CERS5: variants seen among roughly 807,000 people sequenced by gnomAD.
CERS5 encodes LAG1 homolog, ceramide synthase 5.
CERS5 carries 37 observed loss-of-function variants against 58.9 expected under a neutral mutation model. The ratio of observed to expected loss-of-function variants is 0.63; its 90% CI spans 0.48 to 0.83. The LOEUF (loss-of-function observed/expected upper bound fraction) is 0.83, where lower values mean the gene tolerates loss of function less well. CERS5 is among the 40% of genes least tolerant of loss of function. The pLI is 0.00. For missense variants in CERS5, 398 were observed against 489.3 expected (o/e 0.81, Z 1.76); for synonymous variants, 147 against 177.8 (o/e 0.83, Z 1.38).
At position 50,130,574 on chromosome 12, in the gene CERS5, T is replaced by G; in HGVS notation, c.1150A>C (p.Met384Leu). ...SNGANRVNGH[M>L]GGSYWAEE ...TCTTCAGCCCAGTAGCTGCCTCCCA[T>G]GTGACCATTCACCCGATTGGCACCA... Residue 384 changes from methionine to leucine, a missense_variant, in exon 10 of 10, where the codon ATG (methionine) becomes CTG (leucine). This residue lies in a region of CERS5 where 47 missense variants were observed against 50.2 expected (regional missense o/e 0.94). Coordinates refer to ENST00000317551, the MANE Select transcript of CERS5 (RefSeq NM_147190.5). 6.2e-7 allele frequency: 1 copy of G among 1,611,650 alleles called. No individual in the cohort carries two copies. Among genetic ancestry groups the G allele is most frequent in the Non-Finnish European group, 8.5e-7 (1 of 1,177,912 alleles).
chr12:50,148,314 G>C (rs1217457486), intron 1 of CERS5, among the ~76,000 whole-genome samples: 1 of 152,072 alleles, frequency 6.6e-6, no homozygotes, highest in East Asian at 1.9e-4. Flanking sequence ...AAAATAAATA[G>C]GCTGTATGCG....
intron 9 of CERS5, among the ~76,000 whole-genome samples, chr12:50,131,361 C>T (rs1951306693): frequency 6.6e-6 from 1 of 151,904 alleles, no homozygotes; most frequent in Non-Finnish European, 1.5e-5. Context: ...GAGTTTGAGA[C>T]CAGCCTGAGC....
intron 1 of CERS5, chr12:50,144,832 A>G: frequency 6.7e-7 from 1 of 1,503,750 alleles, no homozygotes; most frequent in Non-Finnish European, 8.9e-7. Context: ...CCAAGGATTT[A>G]AATTTTTAAA....
chr12:50,137,765 G>T lies in CERS5; in HGVS notation c.599C>A (p.Ser200Tyr). The T allele has an allele frequency of 6.2e-7, 1 of 1,610,002 alleles. No individual in the cohort carries two copies. The highest frequency in any genetic ancestry group is 8.5e-7 in the Non-Finnish European group (1 of 1,176,862). Residue 200 changes from serine to tyrosine, a missense_variant, in exon 6 of 10, where the codon TCC (serine) becomes TAC (tyrosine). Transcript: ENST00000317551. ...YYIMELAFYW[S>Y]LMFSQFTDIK... is the part of the protein sequence containing the mutation. ...GTCTGTAAACTGAGAAAACATAAGG[G>T]ACCAATAGAAGGCCAATTCCATGAT...
At chr12:50,145,621 AT>A (rs1391014050) in intron 1 of CERS5, among the ~76,000 whole-genome samples, 1 of 152,192 alleles carries the variant, frequency 6.6e-6, no homozygotes, top group Non-Finnish European at 1.5e-5. Flanking sequence ...TATTCAGAGC[AT>A]AAATTTAGCC....
Position 50,130,601 on chromosome 12 carries a change from T to A in CERS5, c.1123A>T (p.Asn375Tyr). ...TGACCATTCACCCGATTGGCACCATTGCTGGAGCTACTGTCACAGGGACTT... is the reference window on the plus strand; with the variant it reads ...TGACCATTCACCCGATTGGCACCATAGCTGGAGCTACTGTCACAGGGACTT... ...TKSPCDSSSS[N>Y]GANRVNGHMG... Residue 375 changes from asparagine (N) to tyrosine (Y), a missense_variant, in exon 10 of 10, where the codon AAT (asparagine) becomes TAT (tyrosine). By Grantham distance (143) the Asn-to-Tyr change is moderately radical. Transcript: ENST00000317551. 6.2e-7 allele frequency: 1 copy of A among 1,613,062 alleles called. No individual in the cohort carries two copies. Among genetic ancestry groups the A allele is most frequent in the Non-Finnish European group, 8.5e-7 (1 of 1,179,100 alleles).
intron 9 of CERS5, among the ~76,000 whole-genome samples, chr12:50,131,558 CAAAAAAAAAAAAAAA>C (rs752634104): frequency 8.6e-5 from 6 of 69,834 alleles, no homozygotes; most frequent in African/African-American, 3.2e-4. Context: ...GACTCCATCT[CAAAAAAAAAAAAAAA>C]AAAAGAAAAA....
At chr12:50,138,749 T>G in intron 4 of CERS5, 132 bp from the exon 5 acceptor site, 2 of 760,410 alleles carry the variant, frequency 2.6e-6, no homozygotes, top group Non-Finnish European at 4.8e-6. Context: ...ATTTTAGGGC[T>G]CCCTAAAGGA....
At chr12:50,161,776 C>CAAAAAATGAAAAAA (rs1939288950) in intron 1 of CERS5, among the ~76,000 whole-genome samples, 1 of 23,678 alleles carries the variant, frequency 4.2e-5, no homozygotes, top group East Asian at 4.3e-3. Context: ...GACTCCGTCT[C>CAAAAAATGAAAAAA]AAAAAAAGAA....
At chr12:50,157,760 C>A (rs10876006) in intron 1 of CERS5, among the ~76,000 whole-genome samples, 47,178 of 151,934 alleles carry the variant, frequency 0.31, 8,172 homozygotes, top group East Asian at 0.76. Flanking sequence ...TTGACACTAT[C>A]TAGACAGAAG....
In CERS5 at chr12:50,151,222, G is replaced by A. The variant is rs536140544; in HGVS notation, c.198-7165C>T. ...GCTTCTGTCCCTACACTCCACTGAA[G>A]CTGTTCTTGCCAAAGTTGTCAATGA... is the stretch of plus-strand genomic sequence containing the variant. On this transcript the variant is annotated intron_variant, in intron 1 of 9. Coordinates refer to ENST00000317551, the MANE Select transcript of CERS5 (RefSeq NM_147190.5). Among the ~76,000 whole-genome samples, 5 of 152,244 alleles carry A rather than the reference G, an allele frequency of 3.3e-5. No individual in the cohort carries two copies. In the East Asian group the frequency reaches 7.7e-4, roughly 23 times the overall value.
chr12:50,133,450 T>C, intron 9 of CERS5: 1 of 1,001,192 alleles, frequency 1.0e-6, no homozygotes, highest in Non-Finnish European at 1.2e-6. Context: ...TGGGGTGAGG[T>C]GGGTATTTAG....
intron 9 of CERS5, 132 bp downstream of exon 9, chr12:50,134,414 C>T: frequency 6.2e-7 from 1 of 1,601,796 alleles, no homozygotes. Context: ...GAGGCGAAGA[C>T]TTTGGAGCCC....
At chr12:50,137,460 T>C (rs989072640) in intron 6 of CERS5, among the ~76,000 whole-genome samples, 16 of 152,220 alleles carry the variant, frequency 1.1e-4, no homozygotes, top group African/African-American at 2.7e-4. Flanking sequence ...GCTTTAGATA[T>C]GTAAGAAGCT....
intron 1 of CERS5, among the ~76,000 whole-genome samples, chr12:50,163,555 G>A (rs532475069): frequency 2.0e-5 from 3 of 152,306 alleles, no homozygotes; most frequent in Non-Finnish European, 4.4e-5. Flanking sequence ...TCTAGGCCAG[G>A]GGCAGTGGCT....
intron 1 of CERS5, among the ~76,000 whole-genome samples, chr12:50,155,736 CAAAAAAAAA>C (rs146913126): frequency 0.017 from 367 of 21,464 alleles, 8 homozygotes; most frequent in African/African-American, 0.067. Context: ...GACTCCATCT[CAAAAAAAAA>C]AAAAAAAAAA....
chr12:50,164,090 G>C (rs1592457309), intron 1 of CERS5, among the ~76,000 whole-genome samples: 1 of 151,542 alleles, frequency 6.6e-6, no homozygotes, highest in Non-Finnish European at 1.5e-5. Context: ...CTCCTGAGTA[G>C]CTGGGATTAC....
chr12:50,132,164 C>T (rs1951364492), intron 9 of CERS5, among the ~76,000 whole-genome samples: 1 of 151,008 alleles, frequency 6.6e-6, no homozygotes, highest in Non-Finnish European at 1.5e-5. Flanking sequence ...CTTTGGGAGG[C>T]TGAAGTGGGC....
In CERS5 at chr12:50,137,459, A is replaced by G. The variant is rs1485486515; in HGVS notation, c.636+269T>C. ...CTGACTAGTTTCCTGAGCTTTAGAT[A>G]TGTAAGAAGCTTAAAGAAGAATATG... On this transcript the variant is annotated intron_variant, in intron 6 of 9. Transcript: ENST00000317551. Among the ~76,000 whole-genome samples, 3 of 152,234 alleles carry G rather than the reference A, an allele frequency of 2.0e-5. No individual in the cohort carries two copies. The East Asian group carries it at 5.8e-4, about 29-fold the overall frequency.
Sources: allele counts gnomAD v4.1 joint callset (sites outside exome capture counted in the v4.1 genomes callset), GRCh38; gene constraint gnomAD v4.1.1; regional missense constraint gnomAD v4.1.1; transcripts MANE v1.5; gene names NCBI Gene and HGNC (gene_info 2026-07-23, HGNC 2026-07-21).